Variants in DLG2 observed in about 807,000 individuals in gnomAD.
DLG2 encodes discs large MAGUK scaffold protein 2.
In DLG2, 45 loss-of-function variants were observed where a neutral mutation model predicts 132.5. The ratio of observed to expected loss-of-function variants is 0.34; its 90% confidence interval spans 0.27 to 0.44. DLG2 has a LOEUF of 0.44. DLG2 is among the 20% of genes least tolerant of loss of function. The probability of loss-of-function intolerance (pLI) is 1.00; values close to 1 mark genes in which losing one functional copy is unlikely to be tolerated. For missense variants in DLG2, 1,045 were observed against 1,196.9 expected, an observed-to-expected ratio of 0.87 and a Z score of 1.87; for synonymous variants, 424 against 419.6, an observed-to-expected ratio of 1.01 and a Z score of -0.13.
chr11:85,193,070 T>C (rs1255881532), intron 4 of DLG2, among the ~76,000 whole-genome samples: 1 of 152,220 alleles, frequency 6.6e-6, no homozygotes, highest in African/African-American at 2.4e-5. Flanking sequence ...CCATATTCAT[T>C]AGCAGTTACT....
intron 7 of DLG2, among the ~76,000 whole-genome samples, chr11:84,296,224 A>C (rs1481033096): frequency 1.3e-5 from 2 of 152,124 alleles, no homozygotes; most frequent in African/African-American, 4.8e-5. Context: ...TCCTCTTAGA[A>C]TTTAATTAAA....
intron 7 of DLG2, among the ~76,000 whole-genome samples, chr11:84,393,827 CTTA>C (rs1419307214): frequency 2.0e-5 from 3 of 152,096 alleles, no homozygotes; most frequent in African/African-American, 7.2e-5. Flanking sequence ...TCTCCTACTT[CTTA>C]TTAATGTATA....
intron 6 of DLG2, among the ~76,000 whole-genome samples, chr11:84,750,527 AT>A (rs2065972761): frequency 6.6e-6 from 1 of 152,078 alleles, no homozygotes; most frequent in Non-Finnish European, 1.5e-5. Flanking sequence ...TTTTAAAAAA[AT>A]AAATATCATA....
At chr11:84,730,522 A>C (rs1028371097) in intron 6 of DLG2, among the ~76,000 whole-genome samples, 16 of 152,040 alleles carry the variant, frequency 1.1e-4, no homozygotes, top group African/African-American at 3.9e-4. Flanking sequence ...TTCTATTTTT[A>C]TATTGTGTTG....
chr11:83,772,717 C>A (rs532706639), intron 18 of DLG2, among the ~76,000 whole-genome samples: 63 of 152,256 alleles, frequency 4.1e-4, no homozygotes, highest in African/African-American at 1.3e-3. Context: ...ACTAAGAAAT[C>A]ACAATGTTTC....
rs368364475 is a variant in DLG2, at chr11:84,177,570, C to G, written c.574-14059G>C. Among the ~76,000 whole-genome samples, 17 of 152,260 alleles carry G rather than the reference C, an allele frequency of 1.1e-4. 1 individual carries two copies. The East Asian group carries it at 1.7e-3, about 16-fold the overall frequency. ...TCCTCCTCAATAAATTACGATACTACTTATACTTACTTCAATAAGGTTGTT... is the reference window on the plus strand; with the variant it reads ...TCCTCCTCAATAAATTACGATACTAGTTATACTTACTTCAATAAGGTTGTT... On this transcript the variant is annotated intron_variant, in intron 8 of 27. Coordinates refer to ENST00000376104, the MANE Select transcript of DLG2 (RefSeq NM_001142699.3).
chr11:84,163,553 T>C (rs374720883), intron 8 of DLG2, 42 bp from the exon 9 acceptor site: 2 of 1,516,162 alleles, frequency 1.3e-6, no homozygotes, highest in South Asian at 2.4e-5. Context: ...ATTAAATACA[T>C]GTTGAGGAGG....
chr11:84,824,538 G>A (rs911043493), intron 6 of DLG2, among the ~76,000 whole-genome samples: 2 of 151,864 alleles, frequency 1.3e-5, no homozygotes, highest in Non-Finnish European at 2.9e-5. Context: ...TTTTATTCAT[G>A]AAAATCAGAA....
intron 6 of DLG2, among the ~76,000 whole-genome samples, chr11:84,737,800 G>A (rs938353599): frequency 6.6e-6 from 1 of 152,028 alleles, no homozygotes; most frequent in Non-Finnish European, 1.5e-5. Flanking sequence ...GTGAGTGAAA[G>A]TGATACATAT....
At chr11:84,391,920 T>C (rs2098793922) in intron 7 of DLG2, among the ~76,000 whole-genome samples, 1 of 152,180 alleles carries the variant, frequency 6.6e-6, no homozygotes, top group South Asian at 2.1e-4. Flanking sequence ...CAGCGTTAGT[T>C]TTCCATTCCA....
chr11:85,534,637 G>A (rs1217329159), intron 3 of DLG2, among the ~76,000 whole-genome samples: 1 of 152,056 alleles, frequency 6.6e-6, no homozygotes, highest in Non-Finnish European at 1.5e-5. Context: ...TTAGGATAAG[G>A]GCCTCCAGCT....
At chr11:84,273,871 A>G (rs1455017833) in intron 7 of DLG2, among the ~76,000 whole-genome samples, 1 of 152,164 alleles carries the variant, frequency 6.6e-6, no homozygotes, top group Non-Finnish European at 1.5e-5. Context: ...TAATGGCACT[A>G]TGAGTTGTTT....
chr11:85,318,147 T>C (rs972230051), intron 3 of DLG2, among the ~76,000 whole-genome samples: 50 of 152,048 alleles, frequency 3.3e-4, no homozygotes, highest in African/African-American at 1.2e-3. Flanking sequence ...TATCAATAAC[T>C]TGTCAAATTT....
At chr11:84,265,086 C>T (rs1041278796) in intron 7 of DLG2, among the ~76,000 whole-genome samples, 1 of 152,118 alleles carries the variant, frequency 6.6e-6, no homozygotes, top group Non-Finnish European at 1.5e-5. Flanking sequence ...CTGCAATGGT[C>T]TTAGCTAATT....
intron 19 of DLG2, among the ~76,000 whole-genome samples, chr11:83,553,895 T>C (rs1384448737): frequency 2.7e-5 from 4 of 150,830 alleles, no homozygotes; most frequent in Admixed American, 2.6e-4. Context: ...TTTTCTTTTT[T>C]TTTCTTTTTT....
At position 84,877,885 on chromosome 11, in the gene DLG2, A is replaced by G. The variant is rs554866294; in HGVS notation, c.357+233776T>C. ...AAATTTACAAGAAAAAAACAACCCCATCAAAAAGTGGGAGAAGAATATAAA... is the reference window on the plus strand; with the variant it reads ...AAATTTACAAGAAAAAAACAACCCCGTCAAAAAGTGGGAGAAGAATATAAA... On this transcript the variant is annotated intron_variant, in intron 6 of 27. Coordinates refer to ENST00000376104, the MANE Select transcript of DLG2 (RefSeq NM_001142699.3). Among the ~76,000 whole-genome samples, 34 of 152,308 alleles carry G rather than the reference A, an allele frequency of 2.2e-4. 2 individuals carry two copies. Among genetic ancestry groups the G allele is most frequent in the African/African-American group, 7.9e-4 (33 of 41,582 alleles).
chr11:85,124,037 T>C (rs978740728), intron 5 of DLG2, among the ~76,000 whole-genome samples: 3 of 152,206 alleles, frequency 2.0e-5, no homozygotes, highest in African/African-American at 7.2e-5. Context: ...TAGTGAAATT[T>C]ATCCTTCAGT....
chr11:84,983,321 T>C (rs892421770), intron 6 of DLG2, among the ~76,000 whole-genome samples: 1 of 152,108 alleles, frequency 6.6e-6, no homozygotes, highest in African/African-American at 2.4e-5. Flanking sequence ...CAGGACTCTA[T>C]GTAGACAACC....
At chr11:84,847,213 C>T (rs1358217955) in intron 6 of DLG2, among the ~76,000 whole-genome samples, 2 of 152,044 alleles carry the variant, frequency 1.3e-5, no homozygotes. Context: ...GGATAGCATG[C>T]AGAAGCCAAG....
Sources: allele counts gnomAD v4.1 joint callset (sites outside exome capture counted in the v4.1 genomes callset), GRCh38; gene constraint gnomAD v4.1.1; transcripts MANE v1.5; gene names NCBI Gene and HGNC (gene_info 2026-07-23, HGNC 2026-07-21).